Variants in AQP9 observed in about 807,000 individuals in gnomAD.
AQP9 encodes the protein aquaporin-9.
AQP9 carries 19 observed loss-of-function variants against 23.8 expected under a neutral mutation model. The observed-to-expected ratio is 0.80, with a 90% CI of 0.56 to 1.17. The LOEUF (loss-of-function observed/expected upper bound fraction) is 1.17, where lower values mean the gene tolerates loss of function less well. AQP9 is among the 50% of genes most tolerant of loss of function. The pLI is 0.00. For synonymous variants in AQP9, 153 were observed against 131.5 expected, an observed-to-expected ratio of 1.16 and a Z score of -1.12; for missense variants, 413 against 362.0, an observed-to-expected ratio of 1.14 and a Z score of -1.14.
chr15:58,179,407 G>A, intron 5 of AQP9, 62 bp downstream of exon 5: 1 of 1,454,866 alleles, frequency 6.9e-7, no homozygotes, highest in Non-Finnish European at 9.4e-7. Flanking sequence ...AGTGGGGCGG[G>A]GCTTTGACAT....
chr15:58,140,764 A>ATTGT (rs1491359137), intron 1 of AQP9, among the ~76,000 whole-genome samples: 2 of 152,152 alleles, frequency 1.3e-5, no homozygotes, highest in African/African-American at 4.8e-5. Context: ...AATATGTGAG[A>ATTGT]TTGTTTTTTT....
chr15:58,161,354 T>C (rs1017953159), intron 1 of AQP9, among the ~76,000 whole-genome samples: 10 of 152,212 alleles, frequency 6.6e-5, no homozygotes, highest in African/African-American at 2.2e-4. Flanking sequence ...CCTTTTCCAA[T>C]GAAAGTCTTT....
chr15:58,183,900 T>C, intron 5 of AQP9, 61 bp from the exon 6 acceptor site: 3 of 1,503,858 alleles, frequency 2.0e-6, no homozygotes, highest in East Asian at 4.5e-5. Flanking sequence ...AGTGAAAAAC[T>C]AGACAGTAAT....
intron 5 of AQP9, among the ~76,000 whole-genome samples, chr15:58,179,953 G>A (rs1898846082): frequency 6.6e-6 from 1 of 152,206 alleles, no homozygotes; most frequent in Admixed American, 6.5e-5. Flanking sequence ...GACTGCAAAT[G>A]TGAGAGCTGA....
rs1414148772 is a variant in AQP9, at chr15:58,175,092, G to A, written c.495+56G>A. The A allele has an allele frequency of 4.2e-6, 6 of 1,430,688 alleles. No homozygotes were observed. In the East Asian group the frequency reaches 9.1e-5, roughly 22 times the overall value. 88.6% of individuals were successfully genotyped at this position (1,430,688 alleles called of 1,614,324 possible). On this transcript the variant is annotated intron_variant, in intron 4 of 5. Coordinates refer to ENST00000219919, the MANE Select transcript of AQP9 (RefSeq NM_020980.5). ...TGGTGAAAAGATATGCTCTCATAAGGGGAATGCATTGGAGAATTAGAGACC... is the reference window on the plus strand; with the variant it reads ...TGGTGAAAAGATATGCTCTCATAAGAGGAATGCATTGGAGAATTAGAGACC...
intron 2 of AQP9, among the ~76,000 whole-genome samples, chr15:58,169,831 T>C (rs1202579140): frequency 2.0e-5 from 3 of 152,214 alleles, no homozygotes; most frequent in African/African-American, 4.8e-5. Context: ...CAATTGCTAT[T>C]GATGTAGTAT....
chr15:58,182,353 T>G (rs1294136402), intron 5 of AQP9, among the ~76,000 whole-genome samples: 1 of 152,158 alleles, frequency 6.6e-6, no homozygotes, highest in African/African-American at 2.4e-5. Flanking sequence ...TTTGTGTGCA[T>G]ATAGGACTAG....
intron 4 of AQP9, among the ~76,000 whole-genome samples, chr15:58,175,798 C>A (rs898026626): frequency 6.6e-6 from 1 of 152,208 alleles, no homozygotes; most frequent in Non-Finnish European, 1.5e-5. Flanking sequence ...CAGCTATGCC[C>A]ACCTCCATTC....
At chr15:58,146,903 A>G (rs1412893684) in intron 1 of AQP9, 1 of 152,146 alleles carries the variant, frequency 6.6e-6, no homozygotes, top group African/African-American at 2.4e-5. Flanking sequence ...TGACTAAGAG[A>G]CCTCGTGCTT....
chr15:58,156,249 C>A (rs1443814185), intron 1 of AQP9, among the ~76,000 whole-genome samples: 1 of 152,182 alleles, frequency 6.6e-6, no homozygotes, highest in South Asian at 2.1e-4. Context: ...TATTAACGAA[C>A]TAATACTAAT....
At chr15:58,154,722 G>A (rs1451101675) in intron 1 of AQP9, among the ~76,000 whole-genome samples, 4 of 151,838 alleles carry the variant, frequency 2.6e-5, no homozygotes, top group African/African-American at 7.3e-5. Flanking sequence ...ATAAATTAAA[G>A]ACTATTAACC....
intron 1 of AQP9, among the ~76,000 whole-genome samples, chr15:58,148,720 G>A (rs1169688312): frequency 3.9e-5 from 6 of 152,204 alleles, no homozygotes; most frequent in African/African-American, 1.4e-4. Flanking sequence ...GTTGAGGGAT[G>A]TGAATGCCTG....
chr15:58,169,002 C>A (rs1430384135), intron 2 of AQP9, among the ~76,000 whole-genome samples: 1 of 152,178 alleles, frequency 6.6e-6, no homozygotes, highest in African/African-American at 2.4e-5. Context: ...TAACACCCTT[C>A]ACCACTGCAA....
chr15:58,146,453 T>C (rs1489060602), intron 1 of AQP9, among the ~76,000 whole-genome samples: 2 of 152,088 alleles, frequency 1.3e-5, no homozygotes, highest in African/African-American at 4.8e-5. Flanking sequence ...TATTTGGTTC[T>C]TTTTTTCTTT....
In AQP9 at chr15:58,184,833, G is replaced by A. The variant is rs1286064976; in HGVS notation, c.*698G>A. On this transcript the variant is annotated 3_prime_UTR_variant, in exon 6 of 6. Coordinates refer to ENST00000219919, the MANE Select transcript of AQP9 (RefSeq NM_020980.5). Reference sequence around the variant, plus strand: ...TAATCTCTTGCTCTCCTGCATTTTAGAGGACACCAATTAATTTCCTGGTCT... The same window carrying A: ...TAATCTCTTGCTCTCCTGCATTTTAAAGGACACCAATTAATTTCCTGGTCT... The A allele has an allele frequency of 6.6e-6, 1 of 152,196 alleles. No individual in the cohort carries two copies. Among genetic ancestry groups the A allele is most frequent in the Non-Finnish European group, 1.5e-5 (1 of 68,036 alleles). The allele number at this position is 152,196 out of a possible 1,614,324, so 9.4% of individuals were successfully genotyped here. A position where few individuals can be genotyped will look rare whatever the true frequency, so the allele number is the denominator to read the frequency against.
chr15:58,158,432 G>A (rs1898307943), intron 1 of AQP9, among the ~76,000 whole-genome samples: 1 of 152,192 alleles, frequency 6.6e-6, no homozygotes, highest in Non-Finnish European at 1.5e-5. Context: ...TCATCCATGA[G>A]ATGGAGATAA....
At chr15:58,178,941 T>A (rs1183007792) in intron 4 of AQP9, among the ~76,000 whole-genome samples, 187 bp from the exon 5 acceptor site, 1 of 152,204 alleles carries the variant, frequency 6.6e-6, no homozygotes, top group Non-Finnish European at 1.5e-5. Context: ...TCCTCTAGAA[T>A]TGCTGTAGAA....
intron 5 of AQP9, among the ~76,000 whole-genome samples, chr15:58,180,178 T>C (rs1397464481): frequency 2.0e-5 from 3 of 152,158 alleles, no homozygotes; most frequent in Admixed American, 6.5e-5. Context: ...CATCCACCCA[T>C]GGCAACTTCC....
chr15:58,172,445 G>T (rs541314046), intron 2 of AQP9, among the ~76,000 whole-genome samples: 15 of 152,180 alleles, frequency 9.9e-5, no homozygotes, highest in African/African-American at 3.6e-4. Flanking sequence ...GCTGGAGCTT[G>T]GGCTGGGCTC....
Sources: gnomAD v4.1 joint callset for allele counts (sites outside exome capture counted in the v4.1 genomes callset) on GRCh38, gnomAD v4.1.1 for gene constraint, MANE v1.5 for transcripts, NCBI Gene and HGNC (gene_info 2026-07-23, HGNC 2026-07-21) for gene names.